Variants in ADGRB3 observed in about 807,000 individuals in gnomAD.
ADGRB3 encodes the protein adhesion G protein-coupled receptor B3.
A neutral mutation model predicts 193.4 loss-of-function variants in ADGRB3; 37 were observed. The observed-to-expected ratio is 0.19, with a 90% CI of 0.15 to 0.25. The LOEUF is 0.25. ADGRB3 is among the 10% of genes least tolerant of loss of function. The probability of loss-of-function intolerance (pLI) is 1.00; values close to 1 mark genes in which losing one functional copy is unlikely to be tolerated. For missense variants in ADGRB3, 1,637 were observed against 1,852.9 expected (o/e 0.88, Z 2.14); for synonymous variants, 690 against 644.2 (o/e 1.07, Z -1.08).
At chr6:69,005,935 T>G (rs1349733356) in intron 11 of ADGRB3, among the ~76,000 whole-genome samples, 1 of 152,210 alleles carries the variant, frequency 6.6e-6, no homozygotes, top group Non-Finnish European at 1.5e-5. Context: ...TTCTGAATCC[T>G]TGTTAGTTTT....
chr6:68,980,511 A>T (rs1562109146), intron 10 of ADGRB3, among the ~76,000 whole-genome samples: 1 of 151,584 alleles, frequency 6.6e-6, no homozygotes, highest in Non-Finnish European at 1.5e-5. Context: ...GATTGCACAA[A>T]TGCTCAGCAC....
chr6:68,999,157 A>G (rs911164332), intron 11 of ADGRB3, among the ~76,000 whole-genome samples: 1 of 152,204 alleles, frequency 6.6e-6, no homozygotes, highest in African/African-American at 2.4e-5. Flanking sequence ...GAAAACTAGT[A>G]GAACATATTT....
At chr6:69,057,619 T>A (rs1771582074) in intron 15 of ADGRB3, among the ~76,000 whole-genome samples, 1 of 152,084 alleles carries the variant, frequency 6.6e-6, no homozygotes, top group South Asian at 2.1e-4. Context: ...TATTCCTGGT[T>A]CATTAAGCGA....
rs1767915566 is a variant in ADGRB3, at chr6:68,829,561, A to G, written c.758-100998A>G. Among the ~76,000 whole-genome samples the G allele has an allele frequency of 2.6e-5, 4 of 152,320 alleles. No individual in the cohort carries two copies. In the South Asian group the frequency reaches 8.3e-4, roughly 32 times the overall value. On this transcript the variant is annotated intron_variant, in intron 3 of 31. Transcript: ENST00000370598. ...AGGAATTAAGGTGGCATGAAGGGTTACATAAAACTACTTAGATTCCTAATG... is the reference window on the plus strand; with the variant it reads ...AGGAATTAAGGTGGCATGAAGGGTTGCATAAAACTACTTAGATTCCTAATG...
At chr6:68,643,943 A>C (rs1768143802) in intron 3 of ADGRB3, among the ~76,000 whole-genome samples, 1 of 151,976 alleles carries the variant, frequency 6.6e-6, no homozygotes, top group Admixed American at 6.6e-5. Flanking sequence ...AAAAAAAAAA[A>C]AAATTCCATC....
At chr6:68,946,462 G>T (rs535248905) in intron 6 of ADGRB3, among the ~76,000 whole-genome samples, 3 of 152,206 alleles carry the variant, frequency 2.0e-5, no homozygotes, top group Admixed American at 1.3e-4. Flanking sequence ...ATGCACTTCT[G>T]AAAACCTCAT....
intron 20 of ADGRB3, among the ~76,000 whole-genome samples, chr6:69,266,782 G>A (rs1767051169): frequency 6.6e-6 from 1 of 152,028 alleles, no homozygotes; most frequent in African/African-American, 2.4e-5. Flanking sequence ...ATTGCAATGG[G>A]AATCTGCATG....
chr6:68,824,362 A>G (rs544780654), intron 3 of ADGRB3, among the ~76,000 whole-genome samples: 40 of 151,438 alleles, frequency 2.6e-4, no homozygotes, highest in African/African-American at 8.9e-4. Flanking sequence ...TTCACTTTCT[A>G]TAAAATATTA....
intron 3 of ADGRB3, among the ~76,000 whole-genome samples, chr6:68,771,359 C>T (rs1381496826): frequency 1.3e-5 from 2 of 150,596 alleles, no homozygotes; most frequent in East Asian, 3.9e-4. Flanking sequence ...GTGTTACAGA[C>T]CATGCTATGT....
At chr6:69,192,130 G>C (rs1490151564) in intron 17 of ADGRB3, among the ~76,000 whole-genome samples, 2 of 152,156 alleles carry the variant, frequency 1.3e-5, no homozygotes, top group Non-Finnish European at 2.9e-5. Context: ...GGCTCATACA[G>C]TCACAAGGTG....
intron 17 of ADGRB3, among the ~76,000 whole-genome samples, chr6:69,077,798 G>C (rs1034893245): frequency 6.6e-6 from 1 of 151,932 alleles, no homozygotes; most frequent in Non-Finnish European, 1.5e-5. Flanking sequence ...GTGTTTAGTT[G>C]TCTTTCAAAG....
At chr6:68,843,642 G>A (rs1768207706) in intron 3 of ADGRB3, among the ~76,000 whole-genome samples, 1 of 148,440 alleles carries the variant, frequency 6.7e-6, no homozygotes, top group African/African-American at 2.5e-5. Context: ...AAATACCAAT[G>A]ACAATATTCA....
chr6:68,891,564 T>C (rs893947390), intron 3 of ADGRB3, among the ~76,000 whole-genome samples: 1 of 152,134 alleles, frequency 6.6e-6, no homozygotes, highest in African/African-American at 2.4e-5. Flanking sequence ...TTAATGAATG[T>C]CTGAGTCAGA....
intron 17 of ADGRB3, among the ~76,000 whole-genome samples, chr6:69,086,846 C>G (rs1413597959): frequency 6.6e-6 from 1 of 152,058 alleles, no homozygotes; most frequent in Non-Finnish European, 1.5e-5. Flanking sequence ...TGAACAGTTT[C>G]AAAAGATGAA....
At chr6:69,297,368 T>TTCTC (rs70987459) in intron 20 of ADGRB3, among the ~76,000 whole-genome samples, 21 of 97,648 alleles carry the variant, frequency 2.2e-4, no homozygotes, top group African/African-American at 7.5e-4. Context: ...CTCTCTCTCT[T>TTCTC]TCTCTCTCTC....
chr6:69,059,502 A>G (rs1293570241), intron 15 of ADGRB3, among the ~76,000 whole-genome samples: 2 of 152,194 alleles, frequency 1.3e-5, no homozygotes, highest in Non-Finnish European at 2.9e-5. Context: ...GATTAATTCT[A>G]TATATTTTGA....
At chr6:68,885,158 A>G (rs1420671122) in intron 3 of ADGRB3, among the ~76,000 whole-genome samples, 1 of 152,190 alleles carries the variant, frequency 6.6e-6, no homozygotes, top group Non-Finnish European at 1.5e-5. Context: ...TGGGGATCTT[A>G]TAAAACTGGG....
intron 3 of ADGRB3, among the ~76,000 whole-genome samples, chr6:68,730,631 CG>C (rs1472352071): frequency 6.6e-6 from 1 of 151,528 alleles, no homozygotes; most frequent in Non-Finnish European, 1.5e-5. Flanking sequence ...GCTTTTTGGT[CG>C]TTGCTAGGCT....
At chr6:68,977,583 T>G (rs1768785462) in intron 10 of ADGRB3, among the ~76,000 whole-genome samples, 1 of 152,150 alleles carries the variant, frequency 6.6e-6, no homozygotes, top group African/African-American at 2.4e-5. Flanking sequence ...ATAGAAGAAA[T>G]GAAATCTCAA....
Sources: gnomAD v4.1 joint callset for allele counts (sites outside exome capture counted in the v4.1 genomes callset) on GRCh38, gnomAD v4.1.1 for gene constraint, MANE v1.5 for transcripts, NCBI Gene and HGNC (gene_info 2026-07-23, HGNC 2026-07-21) for gene names.